DOK5: variants seen among roughly 807,000 people sequenced by gnomAD.
The protein encoded by DOK5 is docking protein 5.
A neutral mutation model predicts 43.3 loss-of-function variants in DOK5; 27 were observed. The observed-to-expected ratio is 0.62, with a 90% confidence interval of 0.46 to 0.86. DOK5 has a LOEUF of 0.86. Among genes scored for constraint, DOK5 ranks in the 40% least tolerant of loss-of-function variants. The pLI, the probability that DOK5 is intolerant of heterozygous loss-of-function variation, is 0.00. For missense variants in DOK5, 373 were observed against 392.9 expected (o/e 0.95, Z 0.43); for synonymous variants, 146 against 140.1 (o/e 1.04, Z -0.30).
Position 54,502,379 on chromosome 20 carries a change from G to A in DOK5, c.66+26367G>A, listed in dbSNP as rs541992534. On this transcript the variant is annotated intron_variant, in intron 1 of 7. Transcript: ENST00000262593. Reference sequence around the variant, plus strand: ...AGAAAATAGATGAATGGTTAGTATCGTTGCTCTGCTATGCACTCATTTAAT... The same window carrying A: ...AGAAAATAGATGAATGGTTAGTATCATTGCTCTGCTATGCACTCATTTAAT... 3.2e-4 allele frequency among the ~76,000 whole-genome samples: 49 copies of A among 152,194 alleles called. No individual in the cohort carries two copies. In the South Asian group the frequency reaches 8.1e-3, roughly 25 times the overall value.
chr20:54,507,178 C>T (rs1368544859), intron 1 of DOK5, among the ~76,000 whole-genome samples: 1 of 152,090 alleles, frequency 6.6e-6, no homozygotes, highest in Admixed American at 6.5e-5. Context: ...CAAGAACACC[C>T]TGCCTTTAAG....
At chr20:54,646,650 GC>G (rs1179259238) in intron 7 of DOK5, among the ~76,000 whole-genome samples, 2 of 152,034 alleles carry the variant, frequency 1.3e-5, no homozygotes, top group African/African-American at 4.8e-5. Context: ...ATCAAAAGTG[GC>G]TATTTAAACA....
At position 54,591,696 on chromosome 20, in the gene DOK5, A is replaced by G; in HGVS notation, c.490A>G (p.Ile164Val). The G allele has an allele frequency of 6.2e-7, 1 of 1,614,220 alleles. No individual in the cohort carries two copies. Among genetic ancestry groups the G allele is most frequent in the Non-Finnish European group, 8.5e-7 (1 of 1,180,020 alleles). The change falls in exon 5 of 8, where the codon ATC becomes GTC. Residue 164 changes from isoleucine (I) to valine (V), a missense_variant. Transcript: ENST00000262593. Reference sequence around the variant, plus strand: ...TGCCTTGCAGATTACATATGAGTATATCTGTCTTTGGGACGTCCAGAATCC... The same window carrying G: ...TGCCTTGCAGATTACATATGAGTATGTCTGTCTTTGGGACGTCCAGAATCC... ...ECALQITYEY[I>V]CLWDVQNPRV... is the part of the protein sequence containing the mutation.
At chr20:54,612,178 T>C (rs1169373742) in intron 6 of DOK5, among the ~76,000 whole-genome samples, 1 of 152,248 alleles carries the variant, frequency 6.6e-6, no homozygotes, top group Non-Finnish European at 1.5e-5. Flanking sequence ...TGTTTGTTTT[T>C]TGCATATGGG....
At chr20:54,517,587 G>C (rs967641544) in intron 1 of DOK5, among the ~76,000 whole-genome samples, 1 of 152,038 alleles carries the variant, frequency 6.6e-6, no homozygotes, top group South Asian at 2.1e-4. Flanking sequence ...TTATAATAAC[G>C]ATGAAGGTGC....
intron 1 of DOK5, among the ~76,000 whole-genome samples, chr20:54,512,413 G>A (rs1908336128): frequency 6.6e-6 from 1 of 152,120 alleles, no homozygotes; most frequent in Admixed American, 6.5e-5. Flanking sequence ...GACTGACCTG[G>A]ACAGTTACAA....
chr20:54,492,936 T>A (rs1019693089), intron 1 of DOK5, among the ~76,000 whole-genome samples: 34 of 151,356 alleles, frequency 2.2e-4, no homozygotes, highest in African/African-American at 8.0e-4. Context: ...GCGCCTGTAA[T>A]CCCAGTTACT....
intron 5 of DOK5, among the ~76,000 whole-genome samples, chr20:54,606,877 C>T (rs1986486668): frequency 6.6e-6 from 1 of 152,274 alleles, no homozygotes. Flanking sequence ...ACAATTTACA[C>T]CAAAGGCCTC....
intron 6 of DOK5, among the ~76,000 whole-genome samples, chr20:54,621,550 A>G (rs1317331844): frequency 6.6e-6 from 1 of 152,148 alleles, no homozygotes; most frequent in Non-Finnish European, 1.5e-5. Flanking sequence ...TTAGCCAGGC[A>G]TGGTGGCAGG....
chr20:54,517,677 C>A (rs1302374022), intron 1 of DOK5, among the ~76,000 whole-genome samples: 1 of 152,000 alleles, frequency 6.6e-6, no homozygotes, highest in Non-Finnish European at 1.5e-5. Flanking sequence ...TTTATGCACC[C>A]CCCGCTCCAA....
At chr20:54,582,527 T>C (rs528147757) in intron 2 of DOK5, among the ~76,000 whole-genome samples, 26 of 151,550 alleles carry the variant, frequency 1.7e-4, no homozygotes, top group Non-Finnish European at 3.0e-4. Flanking sequence ...TATTTCTTTG[T>C]TGGAAGATTT....
intron 1 of DOK5, among the ~76,000 whole-genome samples, chr20:54,526,915 G>T (rs972581875): frequency 1.3e-5 from 2 of 152,010 alleles, no homozygotes; most frequent in Non-Finnish European, 1.5e-5. Flanking sequence ...AAACAATGAG[G>T]TTATAGTTAT....
chr20:54,626,352 G>A (rs1273679008), intron 6 of DOK5, among the ~76,000 whole-genome samples: 7 of 152,204 alleles, frequency 4.6e-5, no homozygotes, highest in African/African-American at 1.7e-4. Flanking sequence ...GTTGGAATGA[G>A]TGGCTCCATC....
intron 2 of DOK5, among the ~76,000 whole-genome samples, chr20:54,581,762 T>G (rs1004873362): frequency 5.9e-5 from 9 of 152,146 alleles, no homozygotes; most frequent in Middle Eastern, 3.4e-3. Context: ...CTGAATTTGT[T>G]TATTTGTTCT....
chr20:54,590,154 T>C (rs1985934427), intron 4 of DOK5, among the ~76,000 whole-genome samples: 1 of 152,200 alleles, frequency 6.6e-6, no homozygotes, highest in Non-Finnish European at 1.5e-5. Context: ...AATTTAAAAA[T>C]TGGCGGTGCG....
intron 7 of DOK5, among the ~76,000 whole-genome samples, chr20:54,645,642 C>T (rs910849): frequency 0.74 from 112,331 of 151,848 alleles, 41,894 homozygotes; most frequent in East Asian, 1. Flanking sequence ...TCTCTGATGA[C>T]GTGCACTCAT....
intron 6 of DOK5, among the ~76,000 whole-genome samples, chr20:54,621,128 T>G (rs1032253306): frequency 6.6e-6 from 1 of 152,206 alleles, no homozygotes; most frequent in African/African-American, 2.4e-5. Flanking sequence ...TCACTAACGC[T>G]ATTATAAGTG....
At chr20:54,586,193 A>AT (rs1465463604) in intron 2 of DOK5, among the ~76,000 whole-genome samples, 1 of 152,182 alleles carries the variant, frequency 6.6e-6, no homozygotes, top group Non-Finnish European at 1.5e-5. Flanking sequence ...GTTTTCATTG[A>AT]TTCAGCCCTT....
intron 6 of DOK5, among the ~76,000 whole-genome samples, chr20:54,611,446 G>A (rs1184994182): frequency 3.3e-5 from 5 of 152,010 alleles, no homozygotes; most frequent in Admixed American, 6.6e-5. Context: ...CTGTAGTTCC[G>A]GCTACTCAAG....
Sources: allele counts gnomAD v4.1 joint callset (sites outside exome capture counted in the v4.1 genomes callset), GRCh38; gene constraint gnomAD v4.1.1; transcripts MANE v1.5; gene names NCBI Gene and HGNC (gene_info 2026-07-23, HGNC 2026-07-21).